TPRG1: variants seen among roughly 807,000 people sequenced by gnomAD.
TPRG1 encodes tumor protein p63 regulated 1.
A neutral mutation model predicts 29.3 loss-of-function variants in TPRG1; 29 were observed. That is an observed-to-expected ratio of 0.99 (90% CI 0.74 to 1.35). The LOEUF (loss-of-function observed/expected upper bound fraction) is 1.35, where lower values mean the gene tolerates loss of function less well. Ranked by LOEUF, TPRG1 falls within the 40% of genes most tolerant of loss-of-function variation. The pLI is 0.00. For synonymous variants in TPRG1, 130 were observed against 116.8 expected (o/e 1.11, Z -0.73); for missense variants, 327 against 335.0 (o/e 0.98, Z 0.19).
At chr3:189,181,891 A>T (rs1430228342) in intron 1 of TPRG1, among the ~76,000 whole-genome samples, 1 of 152,216 alleles carries the variant, frequency 6.6e-6, no homozygotes, top group Non-Finnish European at 1.5e-5. Flanking sequence ...GTTTTAATGG[A>T]CTTAGAGTTC....
At chr3:189,025,823 C>T (rs1336467383) in intron 4 of TPRG1, among the ~76,000 whole-genome samples, 3 of 152,074 alleles carry the variant, frequency 2.0e-5, no homozygotes, top group Non-Finnish European at 2.9e-5. Context: ...GACATATCTA[C>T]AGTGAAAAAA....
chr3:189,209,573 G>A (rs79097275), intron 2 of TPRG1, among the ~76,000 whole-genome samples: 10,514 of 152,144 alleles, frequency 0.069, 491 homozygotes, highest in Middle Eastern at 0.13. Flanking sequence ...CTTAACATCC[G>A]TGTTTTAAAG....
chr3:189,250,747 TAA>T (rs139028462), intron 4 of TPRG1, among the ~76,000 whole-genome samples: 4,483 of 122,554 alleles, frequency 0.037, 233 homozygotes, highest in African/African-American at 0.12. Context: ...TTCCCTTGTT[TAA>T]AAAAAAAAAA....
intron 4 of TPRG1, among the ~76,000 whole-genome samples, chr3:189,078,099 T>TTCTCTCTTTCTCTCTTTCTC (rs1560430784): frequency 4.4e-4 from 20 of 45,520 alleles, no homozygotes; most frequent in African/African-American, 9.7e-4. Flanking sequence ...CTCTCTTTCT[T>TTCTCTCTTTCTCTCTTTCTC]TCTTTCTTTC....
intron 5 of TPRG1, among the ~76,000 whole-genome samples, chr3:189,166,658 G>A (rs992617736): frequency 7.9e-5 from 12 of 152,118 alleles, no homozygotes; most frequent in African/African-American, 2.9e-4. Flanking sequence ...TATCTTATTT[G>A]CATTGTAATT....
chr3:189,060,057 A>G (rs890802626), intron 4 of TPRG1, among the ~76,000 whole-genome samples: 20 of 152,210 alleles, frequency 1.3e-4, no homozygotes, highest in African/African-American at 4.8e-4. Context: ...ACCTGGAGAA[A>G]CCCAGTCTCT....
chr3:189,247,202 C>G (rs1741495958), intron 4 of TPRG1, among the ~76,000 whole-genome samples: 1 of 151,862 alleles, frequency 6.6e-6, no homozygotes, highest in Non-Finnish European at 1.5e-5. Context: ...GTTTATCTAT[C>G]TTTATGTTCA....
chr3:189,198,137 C>T (rs1732850154), intron 1 of TPRG1, among the ~76,000 whole-genome samples: 1 of 152,268 alleles, frequency 6.6e-6, no homozygotes, highest in Middle Eastern at 3.4e-3. Flanking sequence ...GGGTGGGCGG[C>T]TGACATCTCA....
intron 1 of TPRG1, among the ~76,000 whole-genome samples, chr3:189,203,600 T>A (rs1191371918): frequency 2.0e-5 from 3 of 152,260 alleles, no homozygotes; most frequent in African/African-American, 7.2e-5. Context: ...CAGTTGGATA[T>A]ACTTAGCCAT....
In TPRG1 at chr3:189,093,888, T is replaced by C. The variant is rs1224251697; in HGVS notation, c.-462-33169T>C. 3.9e-5 allele frequency among the ~76,000 whole-genome samples: 6 copies of C among 152,344 alleles called. No individual in the cohort carries two copies. In the East Asian group the frequency reaches 1.2e-3, roughly 29 times the overall value. On this transcript the variant is annotated intron_variant, in intron 4 of 10. Transcript: ENST00000433971. ...CTCTACGGGCCTTTCTACTTGTCTT[T>C]AATTAGGGTTAGATAATATTATTCT...
chr3:189,004,383 A>G (rs1381286513), intron 2 of TPRG1, among the ~76,000 whole-genome samples: 1 of 152,166 alleles, frequency 6.6e-6, no homozygotes, highest in Non-Finnish European at 1.5e-5. Context: ...TAGTTTTGAA[A>G]TGACAAGAAA....
At chr3:189,081,995 G>T (rs574569542) in intron 4 of TPRG1, among the ~76,000 whole-genome samples, 1 of 152,162 alleles carries the variant, frequency 6.6e-6, no homozygotes, top group African/African-American at 2.4e-5. Flanking sequence ...AGAGTTGGGG[G>T]TTATTTGATA....
intron 3 of TPRG1, among the ~76,000 whole-genome samples, chr3:189,233,054 T>C (rs1305496129): frequency 6.6e-6 from 1 of 152,046 alleles, no homozygotes; most frequent in Non-Finnish European, 1.5e-5. Context: ...TTAGCCAAGA[T>C]ACTATCTTTT....
chr3:189,241,515 C>T lies in TPRG1; in HGVS notation c.479+2606C>T, dbSNP rs143752619. ...TAGAGAACTGAATTCCTTTTCTGTC[C>T]TATATGTTGCAAATAAATTTTTCCC... On this transcript the variant is annotated intron_variant, in intron 4 of 5. Transcript: ENST00000345063. 1.4e-4 allele frequency among the ~76,000 whole-genome samples: 21 copies of T among 151,810 alleles called. No individual in the cohort carries two copies. In the East Asian group the frequency reaches 3.9e-3, roughly 28 times the overall value.
intron 5 of TPRG1, among the ~76,000 whole-genome samples, chr3:189,165,628 G>A (rs115977981): frequency 3.3e-5 from 5 of 152,116 alleles, no homozygotes; most frequent in Non-Finnish European, 7.4e-5. Context: ...GACACTAAAG[G>A]CTGCCCTGGC....
intron 1 of TPRG1, among the ~76,000 whole-genome samples, chr3:189,206,012 T>TTTCCTTCCTTCCTTCCTTCTTTCC (rs1734270865): frequency 8.0e-6 from 1 of 125,646 alleles, no homozygotes; most frequent in African/African-American, 2.9e-5. Context: ...TGCAGGTACA[T>TTTCCTTCCTTCCTTCCTTCTTTCC]TTCCTTCCTT....
At chr3:189,309,113 C>CA (rs1179649030) in intron 4 of TPRG1, among the ~76,000 whole-genome samples, 2 of 128,472 alleles carry the variant, frequency 1.6e-5, no homozygotes, top group Non-Finnish European at 3.2e-5. Context: ...GGATTAAGTA[C>CA]AAAAAAAAGT....
intron 5 of TPRG1, among the ~76,000 whole-genome samples, chr3:189,152,490 C>G (rs922920931): frequency 2.0e-5 from 3 of 152,038 alleles, no homozygotes; most frequent in Non-Finnish European, 4.4e-5. Context: ...ATGTCTGCTG[C>G]AGTAGGAATG....
chr3:189,009,475 C>A (rs542792405), intron 3 of TPRG1, among the ~76,000 whole-genome samples: 1 of 151,944 alleles, frequency 6.6e-6, no homozygotes, highest in South Asian at 2.1e-4. Context: ...GGAGGGCCTG[C>A]GAAATTGGAT....
Sources: allele counts gnomAD v4.1 joint callset (sites outside exome capture counted in the v4.1 genomes callset), GRCh38; gene constraint gnomAD v4.1.1; transcripts MANE v1.5; gene names NCBI Gene and HGNC (gene_info 2026-07-23, HGNC 2026-07-21).